The following CCM2 variants were observed in gnomAD, a reference collection of about 807,000 sequenced individuals.
CCM2 encodes CCM2 scaffold protein.
Under a neutral mutation model 44.9 loss-of-function variants are expected in CCM2, and 25 were observed. That is an observed-to-expected ratio of 0.56 (90% CI 0.41 to 0.78). The LOEUF is 0.78. CCM2 is among the 30% of genes least tolerant of loss of function. The pLI is 0.00. For missense variants in CCM2, 481 were observed against 580.6 expected (o/e 0.83, Z 1.76); for synonymous variants, 219 against 241.1 (o/e 0.91, Z 0.85).
chr7:45,005,065 G>A (rs1239239198), intron 1 of CCM2, among the ~76,000 whole-genome samples: 2 of 151,684 alleles, frequency 1.3e-5, no homozygotes, highest in Non-Finnish European at 2.9e-5. Context: ...AGCCATACTT[G>A]GGTTCAGAAG....
chr7:45,045,395 A>T (rs1275584645), intron 2 of CCM2, among the ~76,000 whole-genome samples: 1 of 152,234 alleles, frequency 6.6e-6, no homozygotes, highest in African/African-American at 2.4e-5. Flanking sequence ...AAAAAATGTA[A>T]TCCATCATAT....
chr7:44,999,879 G>C, upstream of CCM2: 1 of 376,734 alleles, frequency 2.7e-6, no homozygotes, highest in Non-Finnish European at 5.4e-6. Context: ...CGGCCGTGCA[G>C]AAGCGAAGTA....
At chr7:45,050,195 C>T (rs1392548923) in intron 2 of CCM2, among the ~76,000 whole-genome samples, 1 of 152,220 alleles carries the variant, frequency 6.6e-6, no homozygotes, top group Non-Finnish European at 1.5e-5. Flanking sequence ...AGTATTCATA[C>T]ATTAACATGC....
At chr7:45,013,568 T>G (rs1796146694) in intron 1 of CCM2, among the ~76,000 whole-genome samples, 1 of 152,202 alleles carries the variant, frequency 6.6e-6, no homozygotes, top group Admixed American at 6.5e-5. Context: ...CATTCTGACA[T>G]CATTAAAATC....
chr7:45,073,880 C>G (rs569056526), intron 8 of CCM2: 266 of 536,626 alleles, frequency 5.0e-4, no homozygotes, highest in Non-Finnish European at 7.8e-4. Flanking sequence ...ACATTTTTAT[C>G]CTCCCCATCT....
intron 2 of CCM2, among the ~76,000 whole-genome samples, chr7:45,040,991 AAAAAC>A (rs1467009675): frequency 2.6e-5 from 4 of 152,322 alleles, no homozygotes; most frequent in South Asian, 4.1e-4. Flanking sequence ...CGCGGTCTTC[AAAAAC>A]AAAACAAAAC....
At chr7:45,073,687 C>A in intron 8 of CCM2, 116 bp downstream of exon 8, 1 of 688,866 alleles carries the variant, frequency 1.5e-6, no homozygotes, top group South Asian at 1.7e-5. Context: ...TGAGTGAGGT[C>A]ACCTAGAGCA....
chr7:45,023,814 T>G (rs1445855899), intron 1 of CCM2, among the ~76,000 whole-genome samples: 28 of 142,508 alleles, frequency 2.0e-4, no homozygotes, highest in Admixed American at 9.4e-4. Flanking sequence ...TTTTTTTTTT[T>G]TTTTTTTTTT....
chr7:45,075,880 C>T lies in CCM2; in HGVS notation c.1158C>T (p.Gly386=), dbSNP rs760675025. 7.4e-6 allele frequency: 12 copies of T among 1,613,398 alleles called. No homozygotes were observed. In the African/African-American group the frequency reaches 1.6e-4, roughly 22 times the overall value. The change falls in exon 10 of 10, where the codon GGC becomes GGT. Residue 386 remains glycine (G), a synonymous_variant. Transcript: ENST00000258781. ...GCGGCATCATCACTGACAGCTTTGG[C>T]AGGCACCGGCGGGCCCTGAGCACCA... ...DGRGIITDSF[G]RHRRALSTTS... is the part of the protein sequence containing the mutation.
intron 1 of CCM2, among the ~76,000 whole-genome samples, chr7:45,024,139 G>A (rs1180762016): frequency 6.6e-6 from 1 of 152,120 alleles, no homozygotes; most frequent in African/African-American, 2.4e-5. Flanking sequence ...TTAGTTCTGG[G>A]TGTTTTCCTT....
chr7:45,070,240 T>A, intron 6 of CCM2: 1 of 475,692 alleles, frequency 2.1e-6, no homozygotes, highest in African/African-American at 2.0e-5. Flanking sequence ...GTGGCTAAAG[T>A]CACTTCACTT....
intron 1 of CCM2, among the ~76,000 whole-genome samples, chr7:45,020,870 G>A (rs1392129287): frequency 3.3e-5 from 5 of 151,902 alleles, no homozygotes; most frequent in African/African-American, 9.7e-5. Context: ...AGTCTTTCAC[G>A]TTGCTTTCCT....
intron 1 of CCM2, among the ~76,000 whole-genome samples, chr7:45,035,641 G>T (rs1173932451): frequency 6.6e-6 from 1 of 152,122 alleles, no homozygotes; most frequent in Non-Finnish European, 1.5e-5. Flanking sequence ...CGGATGCAGG[G>T]GTGGGTCCAG....
At chr7:45,056,578 TG>T (rs1798274418) in intron 2 of CCM2, among the ~76,000 whole-genome samples, 1 of 152,252 alleles carries the variant, frequency 6.6e-6, no homozygotes, top group Non-Finnish European at 1.5e-5. Context: ...TAATAACTAT[TG>T]ATGTTGAAAA....
intron 2 of CCM2, among the ~76,000 whole-genome samples, chr7:45,041,219 C>T (rs1465839783): frequency 6.6e-6 from 1 of 152,072 alleles, no homozygotes; most frequent in Non-Finnish European, 1.5e-5. Flanking sequence ...TAGAATAGTA[C>T]ATAGAAACAA....
chr7:45,040,501 C>A (rs543256007), intron 2 of CCM2, among the ~76,000 whole-genome samples: 1 of 151,862 alleles, frequency 6.6e-6, no homozygotes, highest in Admixed American at 6.6e-5. Context: ...CATCTGACTC[C>A]CAAGAAAAAA....
chr7:45,038,065 C>T (rs1797311046), intron 1 of CCM2, among the ~76,000 whole-genome samples, 188 bp from the exon 2 acceptor site: 1 of 152,222 alleles, frequency 6.6e-6, no homozygotes, highest in Non-Finnish European at 1.5e-5. Context: ...ACCGTGCCGG[C>T]CTGCGTGCTG....
intron 3 of CCM2, 35 bp from the exon 4 acceptor site, chr7:45,064,428 A>G (rs757693676): frequency 1.2e-6 from 2 of 1,607,782 alleles, no homozygotes; most frequent in East Asian, 2.2e-5. Flanking sequence ...TTGACAGCTG[A>G]GTCTGTATTT....
At chr7:45,027,040 GGC>G in intron 1 of CCM2, 1 of 156,064 alleles carries the variant, frequency 6.4e-6, no homozygotes, top group Non-Finnish European at 1.4e-5. Context: ...AAGTGAGCTT[GGC>G]CAGAGGCACG....
Sources: allele counts gnomAD v4.1 joint callset (sites outside exome capture counted in the v4.1 genomes callset), GRCh38; gene constraint gnomAD v4.1.1; transcripts MANE v1.5; gene names NCBI Gene and HGNC (gene_info 2026-07-23, HGNC 2026-07-21).